Variants in ODAD1 observed in about 807,000 individuals in gnomAD.
The protein encoded by ODAD1 is outer dynein arm docking complex subunit 1.
ODAD1 carries 49 observed loss-of-function variants against 67.2 expected under a neutral mutation model. That is an observed-to-expected ratio of 0.73 (90% CI 0.58 to 0.92). ODAD1 has a LOEUF of 0.92. ODAD1 is among the 40% of genes least tolerant of loss of function. The pLI is 0.00. For missense variants in ODAD1, 897 were observed against 953.7 expected (o/e 0.94, Z 0.78); for synonymous variants, 345 against 393.7 (o/e 0.88, Z 1.46).
intron 7 of ODAD1, among the ~76,000 whole-genome samples, chr19:48,310,764 T>C (rs1323972984): frequency 6.6e-6 from 1 of 152,248 alleles, no homozygotes; most frequent in Non-Finnish European, 1.5e-5. Flanking sequence ...CCTTTTTCTG[T>C]AATTTGAAAT....
chr19:48,320,978 T>G (rs2147339473), intron 1 of ODAD1, among the ~76,000 whole-genome samples, 167 bp from the exon 2 acceptor site: 1 of 152,292 alleles, frequency 6.6e-6, no homozygotes, highest in Non-Finnish European at 1.5e-5. Flanking sequence ...GGCTCACGCC[T>G]GCAATCCCAG....
At position 48,298,928 on chromosome 19, in the gene ODAD1, T is replaced by C. The variant is rs149442735; in HGVS notation, c.1241-588A>G. On this transcript the variant is annotated intron_variant, in intron 12 of 15. Transcript: ENST00000674294. The stretch of plus-strand genomic sequence containing the variant: ...CAGCAGGAAGGAGGACCTGCCCATA[T>C]CTGAGCTCCTACGGTATGCCCCGAG... 3.4e-4 allele frequency among the ~76,000 whole-genome samples: 52 copies of C among 152,326 alleles called. 1 individual carries two copies. In the East Asian group the frequency reaches 7.7e-3, roughly 23 times the overall value.
chr19:48,310,019 T>C (rs1280659603), intron 7 of ODAD1, among the ~76,000 whole-genome samples: 1 of 151,930 alleles, frequency 6.6e-6, no homozygotes, highest in Non-Finnish European at 1.5e-5. Context: ...TGGAACACCT[T>C]AGGTCAGGAG....
chr19:48,297,633 T>C lies in ODAD1; in HGVS notation c.1538A>G (p.Tyr513Cys). The C allele has an allele frequency of 6.6e-7, 1 of 1,523,930 alleles. No individual in the cohort carries two copies. Among genetic ancestry groups the C allele is most frequent in the Non-Finnish European group, 8.8e-7 (1 of 1,138,498 alleles). 94.4% of individuals were successfully genotyped at this position (1,523,930 alleles called of 1,614,324 possible). ...DPPGFEASDD[Y>C]PMSREELLSQ... ...CAGCAGCTCCTCCCTGCTCATGGGG[T>C]AGTCATCGCTGGCCTCAAAACCCGG... Residue 513 changes from tyrosine to cysteine, a missense_variant, in exon 15 of 16, where the codon TAC becomes TGC. Physicochemically the swap from Tyr to Cys is radical, Grantham distance 194 (BLOSUM62 -2). Transcript: ENST00000674294.
chr19:48,316,574 G>A lies in ODAD1; in HGVS notation c.360+1813C>T, dbSNP rs117182861. On this transcript the variant is annotated intron_variant, in intron 5 of 15. Coordinates refer to ENST00000674294, the MANE Select transcript of ODAD1 (RefSeq NM_001364171.2). ...TGGATACAAGTTCTCTATCAGATACGTGCTTTGCAGATATTTTCTCCCAGT... is the reference window on the plus strand; with the variant it reads ...TGGATACAAGTTCTCTATCAGATACATGCTTTGCAGATATTTTCTCCCAGT... 5.1e-4 allele frequency among the ~76,000 whole-genome samples: 77 copies of A among 152,290 alleles called. No homozygotes were observed. In the East Asian group the frequency reaches 0.014, roughly 28 times the overall value.
At chr19:48,301,603 T>C (rs1353184129) in intron 12 of ODAD1, among the ~76,000 whole-genome samples, 1 of 152,116 alleles carries the variant, frequency 6.6e-6, no homozygotes, top group East Asian at 1.9e-4. Flanking sequence ...AGACTAAGAC[T>C]AGGAAGACAA....
chr19:48,302,120 A>G (rs1968479883), intron 12 of ODAD1, among the ~76,000 whole-genome samples: 1 of 148,092 alleles, frequency 6.8e-6, no homozygotes, highest in Non-Finnish European at 1.5e-5. Context: ...GGATGAATGG[A>G]TGGATGGATA....
Position 48,297,026 on chromosome 19 carries a change from C to T in ODAD1, c.2074G>A (p.Ala692Thr). Residue 692 changes from alanine to threonine, a missense_variant, in exon 16 of 16, where the codon GCC becomes ACC. Physicochemically the swap from Ala to Thr is moderately conservative, Grantham distance 58. Transcript: ENST00000674294. ...GAGGAGCCCGGGCCAGTGCTGGAGG[C>T]AGGGCCGGTGCTGGAGACGTGGTCT... ...SRDHVSSTGP[A>T]SSTGPGSSTS... is the part of the protein sequence containing the mutation. 1 of 1,611,236 alleles carries T rather than the reference C, an allele frequency of 6.2e-7. No individual in the cohort carries two copies. The highest frequency in any genetic ancestry group is 8.5e-7 in the Non-Finnish European group (1 of 1,179,514).
In ODAD1 at chr19:48,318,926, C is replaced by A. The variant is rs1968971213; in HGVS notation, c.71-114G>T. On this transcript the variant is annotated intron_variant, in intron 3 of 15. Coordinates refer to ENST00000674294, the MANE Select transcript of ODAD1 (RefSeq NM_001364171.2). ...GGTCTCACAAACTGCAACTGAACTG[C>A]AGATCCAGCCCCCAACACCCCTCTA... The A allele has an allele frequency of 1.5e-5, 10 of 660,726 alleles. No individual in the cohort carries two copies. In the South Asian group the frequency reaches 1.7e-4, roughly 11 times the overall value. 40.9% of individuals were successfully genotyped at this position (660,726 alleles called of 1,614,324 possible).
In ODAD1 at chr19:48,306,245, G is replaced by T; in HGVS notation, c.665+11C>A. The stretch of plus-strand genomic sequence containing the variant: ...TGGGTCCCGCCATCCCAGGATACCC[G>T]CAGTCTCTACCTGACGGCGTAGGCA... On this transcript the variant is annotated intron_variant, in intron 8 of 15. Transcript: ENST00000674294. 5.8e-6 allele frequency: 9 copies of T among 1,551,300 alleles called. No homozygotes were observed. Among genetic ancestry groups the T allele is most frequent in the Non-Finnish European group, 7.8e-6 (9 of 1,146,756 alleles).
chr19:48,312,880 A>T (rs1968803291), intron 5 of ODAD1, among the ~76,000 whole-genome samples: 1 of 151,908 alleles, frequency 6.6e-6, no homozygotes, highest in African/African-American at 2.4e-5. Context: ...GAACTTGATG[A>T]CATTAGTAGC....
chr19:48,318,822 G>C lies in ODAD1; in HGVS notation c.71-10C>G. 1 of 1,531,176 alleles carries C rather than the reference G, an allele frequency of 6.5e-7. No individual in the cohort carries two copies. 94.8% of individuals were successfully genotyped at this position (1,531,176 alleles called of 1,614,324 possible). A position where few individuals can be genotyped will look rare whatever the true frequency, so the allele number is the denominator to read the frequency against. ...CTCAGCTCCCAATCCACTGAGAACA[G>C]GGCCAGCCAAGGGACTCAGCAGGGA... On this transcript the variant is annotated splice_polypyrimidine_tract_variant and intron_variant, in intron 3 of 15. Coordinates refer to ENST00000674294, the MANE Select transcript of ODAD1 (RefSeq NM_001364171.2).
At chr19:48,310,695 T>C (rs998523635) in intron 7 of ODAD1, among the ~76,000 whole-genome samples, 1 of 152,136 alleles carries the variant, frequency 6.6e-6, no homozygotes, top group Admixed American at 6.5e-5. Context: ...AGAAAATAAA[T>C]GTGGCAAATT....
intron 5 of ODAD1, among the ~76,000 whole-genome samples, chr19:48,316,897 G>A (rs1968912297): frequency 6.6e-6 from 1 of 152,202 alleles, no homozygotes; most frequent in African/African-American, 2.4e-5. Flanking sequence ...TACTCAGGAG[G>A]CTGAGGCAGG....
chr19:48,311,247 C>A (rs558446830), intron 7 of ODAD1, among the ~76,000 whole-genome samples: 10 of 152,200 alleles, frequency 6.6e-5, no homozygotes, highest in African/African-American at 2.4e-4. Flanking sequence ...AGAGAGGGGA[C>A]AGGGCTGGTT....
chr19:48,313,017 GT>G (rs1282781131), intron 5 of ODAD1, among the ~76,000 whole-genome samples: 1 of 152,158 alleles, frequency 6.6e-6, no homozygotes, highest in African/African-American at 2.4e-5. Flanking sequence ...AGAGTCTTGT[GT>G]TTTCTCCCTG....
At chr19:48,318,083 C>CA (rs956291646) in intron 5 of ODAD1, among the ~76,000 whole-genome samples, 8 of 151,544 alleles carry the variant, frequency 5.3e-5, no homozygotes, top group South Asian at 4.2e-4. Flanking sequence ...AAAAACAAAA[C>CA]AAAAGAAAAA....
At chr19:48,321,485 G>T (rs564415569) in intron 1 of ODAD1, 193 bp downstream of exon 1, 3 of 238,296 alleles carry the variant, frequency 1.3e-5, no homozygotes, top group African/African-American at 4.5e-5. Context: ...AGTACAGGAC[G>T]GGGCTTCGCA....
rs971977171 is a variant in ODAD1, at chr19:48,321,831, G to A, written c.-217C>T. The A allele has an allele frequency of 3.0e-5, 12 of 398,524 alleles. No individual in the cohort carries two copies. The South Asian group carries it at 3.8e-4, about 13-fold the overall frequency. The allele number at this position is 398,524 out of a possible 1,614,324, so 24.7% of individuals were successfully genotyped here. On this transcript the variant is annotated 5_prime_UTR_variant, in exon 1 of 16. Transcript: ENST00000674294. ...AAATTAAGGATTCATAGGAAGGAAG[G>A]CGGTGTCGAAGCCGGGAGTTGCGCG...
Sources: gnomAD v4.1 joint callset for allele counts (sites outside exome capture counted in the v4.1 genomes callset) on GRCh38, gnomAD v4.1.1 for gene constraint, MANE v1.5 for transcripts, NCBI Gene and HGNC (gene_info 2026-07-23, HGNC 2026-07-21) for gene names.